ZC2HC1B: variants seen among roughly 807,000 people sequenced by gnomAD.
ZC2HC1B encodes the protein zinc finger C2HC domain-containing protein 1B.
ZC2HC1B carries 36 observed loss-of-function variants against 31.0 expected under a neutral mutation model. The observed-to-expected ratio is 1.16, with a 90% CI of 0.89 to 1.54. The LOEUF (loss-of-function observed/expected upper bound fraction) is 1.54, where lower values mean the gene tolerates loss of function less well. ZC2HC1B is among the 40% of genes most tolerant of loss of function. The probability of loss-of-function intolerance (pLI) is 0.00; values close to 1 mark genes in which losing one functional copy is unlikely to be tolerated. For missense variants in ZC2HC1B, 260 were observed against 268.6 expected (o/e 0.97, Z 0.22); for synonymous variants, 73 against 88.0 (o/e 0.83, Z 0.95).
At chr6:143,897,494 G>GA (rs886721493) in intron 4 of ZC2HC1B, among the ~76,000 whole-genome samples, 3 of 150,876 alleles carry the variant, frequency 2.0e-5, no homozygotes, top group African/African-American at 7.3e-5. Context: ...AATGAAAGAA[G>GA]AAAAAAAAGA....
intron 1 of ZC2HC1B, among the ~76,000 whole-genome samples, chr6:143,878,933 A>G (rs1274274176): frequency 1.3e-5 from 2 of 152,022 alleles, no homozygotes; most frequent in Non-Finnish European, 2.9e-5. Flanking sequence ...CAGACTGCAT[A>G]TTTTTTCCTT....
intron 6 of ZC2HC1B, among the ~76,000 whole-genome samples, chr6:143,928,367 G>A (rs1383340086): frequency 6.6e-6 from 1 of 152,102 alleles, no homozygotes; most frequent in Admixed American, 6.5e-5. Flanking sequence ...ATTGAGTAGG[G>A]TGTCCTTTCT....
At position 143,915,667 on chromosome 6, in the gene ZC2HC1B, G is replaced by C. The variant is rs994348514; in HGVS notation, c.598+12515G>C. ...GGTCTCAGATGGAGATGAGGAACTT[G>C]TTGGGAACTGGATCAAAGGTTCCTC... On this transcript the variant is annotated intron_variant, in intron 6 of 7. Coordinates refer to ENST00000237275, the MANE Select transcript of ZC2HC1B (RefSeq NM_001013623.3). This position sits in a 1 kb window ranked among gnomAD's most constrained non-coding sequence, Gnocchi z 5.2. Among the ~76,000 whole-genome samples, 3 of 152,206 alleles carry C rather than the reference G, an allele frequency of 2.0e-5. No homozygotes were observed. The highest frequency in any genetic ancestry group is 4.4e-5 in the Non-Finnish European group (3 of 68,042).
chr6:143,897,552 G>A (rs1777681913), intron 4 of ZC2HC1B, among the ~76,000 whole-genome samples: 1 of 151,090 alleles, frequency 6.6e-6, no homozygotes, highest in South Asian at 2.1e-4. Context: ...AGCTGCCTGG[G>A]CCATTGCATC....
rs2128498069 is a variant in ZC2HC1B, at chr6:143,934,587, AT to A, written c.599-3060del. The stretch of plus-strand genomic sequence containing the variant: ...AACAGTCACTTCTTCCAATTTTTGA[AT>A]TGGCCTTCATAGGAAAGACTTCTTC... On this transcript the variant is annotated intron_variant, in intron 6 of 7. Coordinates refer to ENST00000237275, the MANE Select transcript of ZC2HC1B (RefSeq NM_001013623.3). The surrounding 1 kb of genome is among the most constrained non-coding windows in gnomAD (Gnocchi z 4.6). 6.6e-6 allele frequency among the ~76,000 whole-genome samples: 1 copy of A among 152,294 alleles called. No individual in the cohort carries two copies. The highest frequency in any genetic ancestry group is 2.4e-5 in the African/African-American group (1 of 41,556).
Position 143,871,710 on chromosome 6 carries a change from T to C in ZC2HC1B, c.28+7143T>C, listed in dbSNP as rs1444771088. On this transcript the variant is annotated intron_variant, in intron 1 of 7. Transcript: ENST00000237275. This position sits in a 1 kb window ranked among gnomAD's most constrained non-coding sequence, Gnocchi z 4.1. ...CGCCACAGTCTCTGCAGGGATGTGA[T>C]ACTGTTTTTGATTTACTATTTTTCT... is the stretch of plus-strand genomic sequence containing the variant. Among the ~76,000 whole-genome samples the C allele has an allele frequency of 1.3e-5, 2 of 152,236 alleles. No individual in the cohort carries two copies. The highest frequency in any genetic ancestry group is 2.4e-5 in the African/African-American group (1 of 41,464).
chr6:143,893,183 A>G (rs1361031457), intron 4 of ZC2HC1B, among the ~76,000 whole-genome samples: 1 of 152,206 alleles, frequency 6.6e-6, no homozygotes, highest in African/African-American at 2.4e-5. Flanking sequence ...ATAATAGCCA[A>G]TAGCACACGA....
At position 143,917,889 on chromosome 6, in the gene ZC2HC1B, T is replaced by G. The variant is rs1197885530; in HGVS notation, c.598+14737T>G. Among the ~76,000 whole-genome samples the G allele has an allele frequency of 1.3e-5, 2 of 152,238 alleles. No homozygotes were observed. Among genetic ancestry groups the G allele is most frequent in the African/African-American group, 4.8e-5 (2 of 41,468 alleles). ...TACAAACCAGTTACAGTACTAGTTT[T>G]TAGACTAATAATTGTTTTTTAAAAT... On this transcript the variant is annotated intron_variant, in intron 6 of 7. Transcript: ENST00000237275. This position sits in a 1 kb window ranked among gnomAD's most constrained non-coding sequence, Gnocchi z 4.1.
Position 143,899,413 on chromosome 6 carries a change from T to C in ZC2HC1B, c.489+722T>C, listed in dbSNP as rs1386545108. 6.6e-6 allele frequency among the ~76,000 whole-genome samples: 1 copy of C among 152,254 alleles called. No individual in the cohort carries two copies. Among genetic ancestry groups the C allele is most frequent in the Non-Finnish European group, 1.5e-5 (1 of 68,044 alleles). On this transcript the variant is annotated intron_variant, in intron 5 of 7. Coordinates refer to ENST00000237275, the MANE Select transcript of ZC2HC1B (RefSeq NM_001013623.3). This position sits in a 1 kb window ranked among gnomAD's most constrained non-coding sequence, Gnocchi z 5.0. ...ATTTTTGAGACAGGGGCTCACTCTG[T>C]TGCCCAGGCTGGAGTGCAATGGTGT...
intron 6 of ZC2HC1B, among the ~76,000 whole-genome samples, chr6:143,927,597 A>G (rs1778068309): frequency 6.6e-6 from 1 of 152,202 alleles, no homozygotes; most frequent in South Asian, 2.1e-4. Context: ...TAGTGCTGTG[A>G]TAAACATGAG....
chr6:143,872,953 A>G lies in ZC2HC1B; in HGVS notation c.28+8386A>G, dbSNP rs146377768. On this transcript the variant is annotated intron_variant, in intron 1 of 7. Transcript: ENST00000237275. This position sits in a 1 kb window ranked among gnomAD's most constrained non-coding sequence, Gnocchi z 5.5. ...CTCATGTCCTCACATTTCAAAACCA[A>G]TCATGCCTCCCCAACAGTCTCCCAA... 6.5e-4 allele frequency among the ~76,000 whole-genome samples: 99 copies of G among 152,174 alleles called. No individual in the cohort carries two copies. The highest frequency in any genetic ancestry group is 1.2e-3 in the Non-Finnish European group (80 of 68,014).
At position 143,898,568 on chromosome 6, in the gene ZC2HC1B, A is replaced by T. The variant is rs1777697148; in HGVS notation, c.366A>T (p.Pro122=). The change falls in exon 5 of 8, where the codon CCA becomes CCT. Residue 122 remains proline, a synonymous_variant. Transcript: ENST00000237275. The stretch of plus-strand genomic sequence containing the variant: ...TACATTCAGATTATATTCAACGTCC[A>T]TATTGTATGAGAAGGTTTAATGAAA... The part of the protein sequence containing the change: ...PSLNPDYIQR[P]YCMRRFNESA... The T allele has an allele frequency of 6.4e-7, 1 of 1,551,690 alleles. No individual in the cohort carries two copies. The highest frequency in any genetic ancestry group is 2.0e-5 in the Admixed American group (1 of 51,006).
At chr6:143,900,689 G>A (rs1777727336) in intron 5 of ZC2HC1B, among the ~76,000 whole-genome samples, 1 of 152,074 alleles carries the variant, frequency 6.6e-6, no homozygotes, top group Non-Finnish European at 1.5e-5. Context: ...ATTAGACATA[G>A]GATAAAAGAG....
intron 6 of ZC2HC1B, among the ~76,000 whole-genome samples, chr6:143,907,797 A>T (rs1459290590): frequency 6.6e-6 from 1 of 152,058 alleles, no homozygotes; most frequent in African/African-American, 2.4e-5. Flanking sequence ...CCCATTTGTC[A>T]ATTTTTGCAT....
intron 6 of ZC2HC1B, among the ~76,000 whole-genome samples, chr6:143,930,336 A>G (rs1474114990): frequency 1.4e-5 from 2 of 148,072 alleles, no homozygotes; most frequent in Admixed American, 6.7e-5. Context: ...ATCATTCAGG[A>G]GCAGGTTGTT....
intron 4 of ZC2HC1B, among the ~76,000 whole-genome samples, chr6:143,897,972 A>C (rs1336740065): frequency 1.3e-5 from 2 of 152,218 alleles, no homozygotes; most frequent in African/African-American, 4.8e-5. Flanking sequence ...AGAAGTTCTT[A>C]AGATTAATTT....
chr6:143,886,249 G>GT lies in ZC2HC1B; in HGVS notation c.210+99dup. The GT allele has an allele frequency of 2.4e-6, 3 of 1,249,160 alleles. No individual in the cohort carries two copies. The highest frequency in any genetic ancestry group is 2.1e-6 in the Non-Finnish European group (2 of 971,112). The allele number at this position is 1,249,160 out of a possible 1,614,324, so 77.4% of individuals were successfully genotyped here. On this transcript the variant is annotated intron_variant, in intron 3 of 7. Coordinates refer to ENST00000237275, the MANE Select transcript of ZC2HC1B (RefSeq NM_001013623.3). This position sits in a 1 kb window ranked among gnomAD's most constrained non-coding sequence, Gnocchi z 4.2. ...GGTTTCATTTTTGCTTGATAATACA[G>GT]TAATGTAATGTAACTGTAATCCACC... is the stretch of plus-strand genomic sequence containing the variant.
Position 143,864,576 on chromosome 6 carries a change from C to T in ZC2HC1B, c.28+9C>T, listed in dbSNP as rs758012194. On this transcript the variant is annotated intron_variant, in intron 1 of 7. Coordinates refer to ENST00000237275, the MANE Select transcript of ZC2HC1B (RefSeq NM_001013623.3). ...AGAACCATTTTTGGCAGGTGAGCTG[C>T]ACTTGATATCTAAATTATTAGAAAA... is the stretch of plus-strand genomic sequence containing the variant. The T allele has an allele frequency of 3.2e-6, 5 of 1,551,398 alleles. No individual in the cohort carries two copies. Among genetic ancestry groups the T allele is most frequent in the African/African-American group, 2.7e-5 (2 of 73,038 alleles).
At chr6:143,866,831 C>T (rs1368685244) in intron 1 of ZC2HC1B, among the ~76,000 whole-genome samples, 1 of 152,162 alleles carries the variant, frequency 6.6e-6, no homozygotes, top group East Asian at 1.9e-4. Flanking sequence ...AAAGCAAACA[C>T]AGGGCCACTG....
Sources: gnomAD v4.1 joint callset for allele counts (sites outside exome capture counted in the v4.1 genomes callset) on GRCh38, gnomAD v4.1.1 for gene constraint, Gnocchi (gnomAD v3.1) non-coding constraint, MANE v1.5 for transcripts, NCBI Gene and HGNC (gene_info 2026-07-23, HGNC 2026-07-21) for gene names.